RBFOX1: variants seen among roughly 807,000 people sequenced by gnomAD.
The protein encoded by RBFOX1 is RNA binding fox-1 homolog 1.
In RBFOX1, 8 loss-of-function variants were observed where a neutral mutation model predicts 57.7. The observed-to-expected ratio is 0.14, with a 90% CI of 0.08 to 0.25. RBFOX1 has a LOEUF of 0.25. Ranked by LOEUF, RBFOX1 falls within the 10% of genes least tolerant of loss-of-function variation. The probability of loss-of-function intolerance (pLI) is 1.00; values close to 1 mark genes in which losing one functional copy is unlikely to be tolerated. For synonymous variants in RBFOX1, 326 were observed against 222.4 expected, an observed-to-expected ratio of 1.47 and a Z score of -4.15; for missense variants, 611 against 548.5, an observed-to-expected ratio of 1.11 and a Z score of -1.14.
chr16:6,233,346 C>T (rs1453891816), intron 1 of RBFOX1, among the ~76,000 whole-genome samples: 2 of 152,018 alleles, frequency 1.3e-5, no homozygotes, highest in East Asian at 3.9e-4. Context: ...TGGCTAGCAC[C>T]ATCCTGATCC....
chr16:7,077,769 T>G (rs1315551013), intron 4 of RBFOX1, among the ~76,000 whole-genome samples: 2 of 152,168 alleles, frequency 1.3e-5, no homozygotes, highest in Admixed American at 1.3e-4. Context: ...GTTAGCAGCT[T>G]TCCCTTGAAC....
chr16:6,178,404 C>G (rs1170897784), intron 1 of RBFOX1, among the ~76,000 whole-genome samples: 3 of 151,906 alleles, frequency 2.0e-5, no homozygotes, highest in Non-Finnish European at 4.4e-5. Flanking sequence ...AGGCTGGACT[C>G]AAACTCCTGA....
chr16:6,348,896 A>C (rs1216906117), intron 2 of RBFOX1, among the ~76,000 whole-genome samples: 1 of 152,184 alleles, frequency 6.6e-6, no homozygotes, highest in African/African-American at 2.4e-5. Context: ...AACCCAGGAA[A>C]AGCAGATTTC....
chr16:7,403,476 C>T (rs1327653867), intron 4 of RBFOX1, among the ~76,000 whole-genome samples: 4 of 151,782 alleles, frequency 2.6e-5, no homozygotes, highest in Non-Finnish European at 5.9e-5. Flanking sequence ...TAAGTGAGAT[C>T]TTACAGCGTT....
In RBFOX1 at chr16:6,437,570, T is replaced by G. The variant is rs1170690291; in HGVS notation, c.-64+120513T>G. Among the ~76,000 whole-genome samples the G allele has an allele frequency of 2.0e-5, 3 of 152,192 alleles. No individual in the cohort carries two copies. In the East Asian group the frequency reaches 5.8e-4, roughly 29 times the overall value. ...CATTTCTAATAGATGGTGTGTGTAT[T>G]AGTCCATTGCTACACTGCTATGAAG... On this transcript the variant is annotated intron_variant, in intron 2 of 15. Transcript: ENST00000550418.
chr16:6,664,424 C>G (rs996359151), intron 3 of RBFOX1, among the ~76,000 whole-genome samples: 1 of 152,222 alleles, frequency 6.6e-6, no homozygotes, highest in Non-Finnish European at 1.5e-5. Flanking sequence ...GCGCGGTCAT[C>G]TAGCGTCAGC....
rs1230011683 is a variant in RBFOX1, at chr16:7,047,689, G to A, written c.-15-4368G>A. ...AGTAACATGAAATATTGTACGTTTT[G>A]ATATTTGTTCCACAGGTCCTGCATT... On this transcript the variant is annotated intron_variant, in intron 3 of 15. Coordinates refer to ENST00000550418, the MANE Select transcript of RBFOX1 (RefSeq NM_018723.4). Among the ~76,000 whole-genome samples the A allele has an allele frequency of 3.4e-5, 2 of 59,258 alleles. 1 individual carries two copies. The highest frequency in any genetic ancestry group is 8.0e-5 in the Non-Finnish European group (2 of 25,084). The allele number at this position is 59,258 out of a possible 152,430, so 38.9% of individuals were successfully genotyped here. A position where few individuals can be genotyped will look rare whatever the true frequency, so the allele number is the denominator to read the frequency against.
intron 4 of RBFOX1, among the ~76,000 whole-genome samples, chr16:5,910,104 G>A (rs577903957): frequency 2.6e-5 from 4 of 152,144 alleles, no homozygotes; most frequent in South Asian, 4.2e-4. Flanking sequence ...TTGGCAACCT[G>A]TTTTTAATCC....
At chr16:5,435,169 G>A (rs368613202) in intron 1 of RBFOX1, among the ~76,000 whole-genome samples, 1 of 152,180 alleles carries the variant, frequency 6.6e-6, no homozygotes, top group Non-Finnish European at 1.5e-5. Flanking sequence ...CTTCCCTGTG[G>A]TTCCCCCTGT....
chr16:6,749,836 C>G (rs1297559059), intron 3 of RBFOX1, among the ~76,000 whole-genome samples: 3 of 152,168 alleles, frequency 2.0e-5, no homozygotes, highest in Non-Finnish European at 4.4e-5. Context: ...GTTTTGCTTT[C>G]TGTTTCCCTT....
chr16:5,419,027 G>A (rs527675902), intron 1 of RBFOX1, among the ~76,000 whole-genome samples: 2 of 152,152 alleles, frequency 1.3e-5, no homozygotes, highest in Non-Finnish European at 2.9e-5. Context: ...GGTGGGGAAG[G>A]TACCTCACAG....
chr16:5,335,640 T>C (rs535337849), intron 1 of RBFOX1, among the ~76,000 whole-genome samples: 1 of 152,186 alleles, frequency 6.6e-6, no homozygotes, highest in South Asian at 2.1e-4. Flanking sequence ...AACAGAAAGG[T>C]ATTAATGTTG....
chr16:5,582,572 T>TTTTC (rs369563835), intron 2 of RBFOX1, among the ~76,000 whole-genome samples: 1 of 106,058 alleles, frequency 9.4e-6, no homozygotes, highest in African/African-American at 3.9e-5. Context: ...TTTTTTTTTT[T>TTTTC]AAACGGAGTC....
chr16:6,846,924 A>AC (rs1567535054), intron 3 of RBFOX1, among the ~76,000 whole-genome samples: 1 of 151,976 alleles, frequency 6.6e-6, no homozygotes, highest in African/African-American at 2.4e-5. Context: ...AGGAAACAAA[A>AC]AAAAAAAGAG....
chr16:7,109,861 G>A (rs1438426796), intron 4 of RBFOX1, among the ~76,000 whole-genome samples: 2 of 152,130 alleles, frequency 1.3e-5, no homozygotes, highest in Non-Finnish European at 2.9e-5. Context: ...CTAGGACCAG[G>A]TCACTAGCAT....
intron 1 of RBFOX1, among the ~76,000 whole-genome samples, chr16:5,307,743 A>G (rs1236788183): frequency 6.6e-6 from 1 of 152,152 alleles, no homozygotes; most frequent in Admixed American, 6.5e-5. Flanking sequence ...GCACCATCAT[A>G]TCTTACGGCA....
chr16:7,434,589 C>T (rs959212256), intron 4 of RBFOX1, among the ~76,000 whole-genome samples: 6 of 152,084 alleles, frequency 3.9e-5, no homozygotes, highest in Non-Finnish European at 8.8e-5. Flanking sequence ...TACTGGACTG[C>T]ATCCTTTAGA....
intron 14 of RBFOX1, among the ~76,000 whole-genome samples, chr16:7,706,105 A>C (rs2082351250): frequency 6.6e-6 from 1 of 152,152 alleles, no homozygotes; most frequent in African/African-American, 2.4e-5. Context: ...TGCTTGGCAT[A>C]TCTGCTGCAA....
chr16:7,321,113 A>ATATACT (rs1555709031), intron 4 of RBFOX1, among the ~76,000 whole-genome samples: 2 of 150,340 alleles, frequency 1.3e-5, no homozygotes, highest in African/African-American at 4.9e-5. Flanking sequence ...ATACATATAC[A>ATATACT]TATACATATA....
Sources: allele counts gnomAD v4.1 joint callset (sites outside exome capture counted in the v4.1 genomes callset), GRCh38; gene constraint gnomAD v4.1.1; transcripts MANE v1.5; gene names NCBI Gene and HGNC (gene_info 2026-07-23, HGNC 2026-07-21).